GFRA2: variants seen among roughly 807,000 people sequenced by gnomAD.
The protein encoded by GFRA2 is GDNF family receptor alpha-2.
Under a neutral mutation model 48.3 loss-of-function variants are expected in GFRA2, and 17 were observed. The ratio of observed to expected loss-of-function variants is 0.35; its 90% CI spans 0.24 to 0.53. GFRA2 has a LOEUF of 0.53. Among genes scored for constraint, GFRA2 ranks in the 20% least tolerant of loss-of-function variants. The pLI is 0.93. For synonymous variants in GFRA2, 305 were observed against 257.2 expected, an observed-to-expected ratio of 1.19 and a Z score of -1.78; for missense variants, 660 against 637.3, an observed-to-expected ratio of 1.04 and a Z score of -0.38.
chr8:21,754,841 G>T (rs1448877571), intron 3 of GFRA2, among the ~76,000 whole-genome samples: 1 of 152,060 alleles, frequency 6.6e-6, no homozygotes, highest in Admixed American at 6.6e-5. Context: ...AAAGAGAAAA[G>T]TGCCCTCTCT....
chr8:21,690,504 A>T lies in GFRA2; in HGVS notation c.*2774T>A, dbSNP rs1036969460. The T allele has an allele frequency of 6.6e-5, 10 of 152,232 alleles. No individual in the cohort carries two copies. The highest frequency in any genetic ancestry group is 2.2e-4 in the African/African-American group (9 of 41,454). The allele number at this position is 152,232 out of a possible 1,614,324, so 9.4% of individuals were successfully genotyped here. On this transcript the variant is annotated 3_prime_UTR_variant, in exon 9 of 9. Transcript: ENST00000524240. ...AAAGGAATGAATACCTAATGGTAAA[A>T]TTTCAGCCATGTGATACTTGGATAG... is the stretch of plus-strand genomic sequence containing the variant.
Position 21,712,300 on chromosome 8 carries a change from G to A in GFRA2, c.795-6259C>T, listed in dbSNP as rs184079511. 9.1e-3 allele frequency among the ~76,000 whole-genome samples: 1,375 copies of A among 151,232 alleles called. 24 individuals carry two copies. The highest frequency in any genetic ancestry group is 0.032 in the African/African-American group (1,295 of 40,882). On this transcript the variant is annotated intron_variant, in intron 4 of 8. Transcript: ENST00000524240. ...TCCTCACTTCGCAGACAGGGCGGCC[G>A]GGCAGAGATGCTCCTCACCTCCCAG...
rs1485341779 is a variant in GFRA2, at chr8:21,782,795, C to T, written c.145G>A (p.Ala49Thr). The change falls in exon 2 of 9, where the codon GCC becomes ACC. Residue 49 changes from alanine to threonine, a missense_variant. By Grantham distance (58) the Ala-to-Thr change is moderately conservative. Transcript: ENST00000524240. ...TAGCGAGAGCTGCAGTTGGATTCGG[C>T]GGCACACAGCTCATTGGCCCGGACA... The part of the protein sequence containing the change: ...DCVRANELCA[A>T]ESNCSSRYRT... 8 of 1,583,380 alleles carry T rather than the reference C, an allele frequency of 5.1e-6. No individual in the cohort carries two copies. The highest frequency in any genetic ancestry group is 6.8e-6 in the Non-Finnish European group (8 of 1,169,224).
At chr8:21,721,701 T>C (rs184760879) in intron 4 of GFRA2, among the ~76,000 whole-genome samples, 4 of 152,290 alleles carry the variant, frequency 2.6e-5, no homozygotes, top group Admixed American at 1.3e-4. Context: ...GGCAGTCCAA[T>C]TGCACCCAAA....
chr8:21,763,822 GAA>G (rs1806023972), intron 3 of GFRA2, among the ~76,000 whole-genome samples: 1 of 151,282 alleles, frequency 6.6e-6, no homozygotes, highest in African/African-American at 2.4e-5. Flanking sequence ...CAGCCTGCAT[GAA>G]ACCCCCTGAG....
chr8:21,717,313 C>A (rs1019621734), intron 4 of GFRA2, among the ~76,000 whole-genome samples: 1 of 152,160 alleles, frequency 6.6e-6, no homozygotes, highest in Admixed American at 6.5e-5. Flanking sequence ...AGCTACATTG[C>A]TATCAAAATG....
At chr8:21,800,962 C>T (rs1807759877) in intron 2 of GFRA2, among the ~76,000 whole-genome samples, 3 of 151,594 alleles carry the variant, frequency 2.0e-5, no homozygotes, top group Admixed American at 6.6e-5. Flanking sequence ...GTGAGGGCAT[C>T]CACAAGATTT....
intron 2 of GFRA2, among the ~76,000 whole-genome samples, 177 bp from the exon 3 acceptor site, chr8:21,775,232 G>A (rs974773263): frequency 2.6e-5 from 4 of 152,170 alleles, no homozygotes; most frequent in Non-Finnish European, 5.9e-5. Context: ...CATTAGCAAC[G>A]AAATGTTTAG....
intron 3 of GFRA2, among the ~76,000 whole-genome samples, chr8:21,761,525 T>C (rs1481654146): frequency 6.6e-6 from 1 of 152,210 alleles, no homozygotes; most frequent in African/African-American, 2.4e-5. Flanking sequence ...TTTCCTCACC[T>C]GCAAAACTGG....
intron 3 of GFRA2, among the ~76,000 whole-genome samples, chr8:21,766,919 C>G (rs371467862): frequency 8.3e-6 from 1 of 119,856 alleles, no homozygotes; most frequent in African/African-American, 3.4e-5. Flanking sequence ...TAACACATAC[C>G]TACACACACA....
At chr8:21,711,299 G>A (rs575647811) in intron 4 of GFRA2, among the ~76,000 whole-genome samples, 1 of 152,276 alleles carries the variant, frequency 6.6e-6, no homozygotes, top group African/African-American at 2.4e-5. Flanking sequence ...ATAAAAGAAG[G>A]CATGAGAGAC....
intron 3 of GFRA2, among the ~76,000 whole-genome samples, chr8:21,763,405 ACCAACCCTGC>A (rs1806003038): frequency 6.6e-6 from 1 of 151,886 alleles, no homozygotes; most frequent in Non-Finnish European, 1.5e-5. Flanking sequence ...GCTGTCACTC[ACCAACCCTGC>A]CATTCCCCTC....
intron 2 of GFRA2, among the ~76,000 whole-genome samples, chr8:21,802,213 C>G (rs960181685): frequency 6.6e-6 from 1 of 152,230 alleles, no homozygotes; most frequent in African/African-American, 2.4e-5. Flanking sequence ...TGGGAAAGTC[C>G]CTAAATCTGG....
At chr8:21,702,574 C>A (rs1192314153) in intron 7 of GFRA2, among the ~76,000 whole-genome samples, 1 of 152,186 alleles carries the variant, frequency 6.6e-6, no homozygotes, top group African/African-American at 2.4e-5. Flanking sequence ...TTCTTCAGAC[C>A]CTATAGCCTG....
At chr8:21,693,451 A>G in intron 8 of GFRA2, 51 bp from the exon 9 acceptor site, 2 of 1,544,608 alleles carry the variant, frequency 1.3e-6, no homozygotes, top group Admixed American at 1.9e-5. Flanking sequence ...GAAAACAAAG[A>G]AAACAGTCAG....
In GFRA2 at chr8:21,762,832, T is replaced by G. The variant is rs376717183; in HGVS notation, c.440-11890A>C. On this transcript the variant is annotated intron_variant, in intron 3 of 8. Transcript: ENST00000524240. Reference sequence around the variant, plus strand: ...TTGGTATTTGGGGGGTTTTTTAATATTTAGGGTTTTTACCATTCTCATACA... The same window carrying G: ...TTGGTATTTGGGGGGTTTTTTAATAGTTAGGGTTTTTACCATTCTCATACA... Among the ~76,000 whole-genome samples, 3 of 152,212 alleles carry G rather than the reference T, an allele frequency of 2.0e-5. No individual in the cohort carries two copies. The East Asian group carries it at 5.8e-4, about 29-fold the overall frequency.
intron 1 of GFRA2, among the ~76,000 whole-genome samples, chr8:21,805,969 G>T (rs556873916): frequency 2.0e-5 from 3 of 152,246 alleles, no homozygotes; most frequent in Non-Finnish European, 2.9e-5. Context: ...CCCTCAGGGA[G>T]AAGCCTGTCT....
chr8:21,750,402 G>A lies in GFRA2; in HGVS notation c.794+186C>T, dbSNP rs947997536. ...TGAATAAAGAAGTAGATGGATGGAT[G>A]AATGGATGAATGAAATGGAAAATTC... On this transcript the variant is annotated intron_variant, in intron 4 of 8. Transcript: ENST00000524240. The surrounding 1 kb of genome is among the most constrained non-coding windows in gnomAD (Gnocchi z 5.7). Among the ~76,000 whole-genome samples the A allele has an allele frequency of 2.0e-5, 3 of 152,250 alleles. No individual in the cohort carries two copies. The highest frequency in any genetic ancestry group is 7.2e-5 in the African/African-American group (3 of 41,468).
At chr8:21,745,851 A>C (rs956258174) in intron 4 of GFRA2, among the ~76,000 whole-genome samples, 1 of 152,138 alleles carries the variant, frequency 6.6e-6, no homozygotes, top group African/African-American at 2.4e-5. Flanking sequence ...GCCTGGTGAG[A>C]AGGGCCCTTC....
Sources: allele counts gnomAD v4.1 joint callset (sites outside exome capture counted in the v4.1 genomes callset), GRCh38; gene constraint gnomAD v4.1.1; non-coding constraint Gnocchi (gnomAD v3.1); transcripts MANE v1.5; gene names NCBI Gene and HGNC (gene_info 2026-07-23, HGNC 2026-07-21).